Variants in ARHGAP32 observed in about 807,000 individuals in gnomAD.
The protein encoded by ARHGAP32 is Rho GTPase activating protein 32, also known as rho GTPase-activating protein 32.
A neutral mutation model predicts 186.5 loss-of-function variants in ARHGAP32; 51 were observed. The ratio of observed to expected loss-of-function variants is 0.27; its 90% CI spans 0.22 to 0.35. The LOEUF (loss-of-function observed/expected upper bound fraction) is 0.35. Ranked by LOEUF, ARHGAP32 falls within the 10% of genes least tolerant of loss-of-function variation. ARHGAP32 has a pLI of 1.00. For missense variants in ARHGAP32, 2,186 were observed against 2,623.5 expected, an observed-to-expected ratio of 0.83 and a Z score of 3.64; for synonymous variants, 950 against 964.3, an observed-to-expected ratio of 0.99 and a Z score of 0.27.
chr11:129,241,512 G>A lies in ARHGAP32; in HGVS notation c.-5+37634C>T, dbSNP rs571871466. 3.0e-4 allele frequency among the ~76,000 whole-genome samples: 45 copies of A among 152,016 alleles called. No individual in the cohort carries two copies. The South Asian group carries it at 9.4e-3, about 32-fold the overall frequency. ...TTTGTAAAAATTAGCCGGGTGTGTT[G>A]GCGCACATCTGTAGTCTCAGCTACT... On this transcript the variant is annotated intron_variant, in intron 1 of 6. Transcript: ENST00000525234.
chr11:129,244,398 A>T (rs1945059866), intron 1 of ARHGAP32, among the ~76,000 whole-genome samples: 1 of 152,226 alleles, frequency 6.6e-6, no homozygotes, highest in Admixed American at 6.5e-5. Context: ...ACATTCAGTC[A>T]AATAGTATGG....
At position 129,266,217 on chromosome 11, in the gene ARHGAP32, TTGAG is replaced by T. The variant is rs1232807421; in HGVS notation, c.-5+12925_-5+12928del. On this transcript the variant is annotated intron_variant, in intron 1 of 6. Coordinates refer to the ARHGAP32 transcript ENST00000525234. ...GGAGTTCTAGTTTCAACTGGCCTAC[TTGAG>T]TAAGAAAATGTCACTAGATAAGTGA... Among the ~76,000 whole-genome samples the T allele has an allele frequency of 3.9e-5, 6 of 152,274 alleles. No individual in the cohort carries two copies. The East Asian group carries it at 5.8e-4, about 15-fold the overall frequency.
At chr11:129,056,601 G>A (rs183300617) in intron 10 of ARHGAP32, among the ~76,000 whole-genome samples, 7 of 152,240 alleles carry the variant, frequency 4.6e-5, no homozygotes, top group Admixed American at 2.0e-4. Flanking sequence ...TGAGTTCACA[G>A]CAATATTAAG....
chr11:128,990,320 C>T (rs562965320), intron 12 of ARHGAP32, among the ~76,000 whole-genome samples: 1 of 152,126 alleles, frequency 6.6e-6, no homozygotes, highest in Non-Finnish European at 1.5e-5. Context: ...AACTATTACC[C>T]TTTTCTGACT....
chr11:129,023,228 T>C (rs982950373), intron 11 of ARHGAP32, among the ~76,000 whole-genome samples: 3 of 152,158 alleles, frequency 2.0e-5, no homozygotes, highest in Admixed American at 2.0e-4. Flanking sequence ...GAACACCACC[T>C]TAGTGGTAAA....
chr11:129,051,607 A>G (rs1433904012), intron 10 of ARHGAP32, among the ~76,000 whole-genome samples: 2 of 152,198 alleles, frequency 1.3e-5, no homozygotes, highest in Non-Finnish European at 2.9e-5. Context: ...CCAAAGCCAC[A>G]AAAGTTTTCT....
chr11:129,105,031 AC>A (rs1216515913), intron 5 of ARHGAP32, among the ~76,000 whole-genome samples: 10 of 152,192 alleles, frequency 6.6e-5, no homozygotes, highest in African/African-American at 2.4e-4. Context: ...TCTAGAGGCT[AC>A]CTGAAGAACT....
At chr11:129,003,844 A>C (rs576811404) in intron 11 of ARHGAP32, among the ~76,000 whole-genome samples, 9 of 149,930 alleles carry the variant, frequency 6.0e-5, no homozygotes, top group African/African-American at 2.2e-4. Context: ...TCTTTTGTTG[A>C]TCTTTGTTGT....
intron 1 of ARHGAP32, among the ~76,000 whole-genome samples, chr11:129,202,477 A>G (rs566850255): frequency 6.6e-6 from 1 of 152,322 alleles, no homozygotes; most frequent in Non-Finnish European, 1.5e-5. Context: ...AGAAGGCAAT[A>G]TTCTTATACT....
At chr11:129,037,755 C>T (rs1010053123) in intron 11 of ARHGAP32, among the ~76,000 whole-genome samples, 3 of 151,764 alleles carry the variant, frequency 2.0e-5, no homozygotes, top group Non-Finnish European at 1.5e-5. Flanking sequence ...TTCCCCACTG[C>T]AAAACTTACT....
At chr11:129,216,809 A>T (rs1944653835) in intron 1 of ARHGAP32, among the ~76,000 whole-genome samples, 1 of 151,846 alleles carries the variant, frequency 6.6e-6, no homozygotes, top group Non-Finnish European at 1.5e-5. Context: ...TTAATTGCCC[A>T]GTGATAGTGA....
At chr11:129,262,085 G>C (rs1484903984) in intron 1 of ARHGAP32, among the ~76,000 whole-genome samples, 1 of 151,956 alleles carries the variant, frequency 6.6e-6, no homozygotes, top group African/African-American at 2.4e-5. Flanking sequence ...AAATGTTCAC[G>C]AACAATATTT....
intron 1 of ARHGAP32, among the ~76,000 whole-genome samples, chr11:129,239,316 T>C (rs1240743439): frequency 6.6e-6 from 1 of 152,218 alleles, no homozygotes; most frequent in Non-Finnish European, 1.5e-5. Context: ...GAACATGCAG[T>C]AAGCATTCTG....
chr11:129,207,648 T>C (rs922460104), intron 1 of ARHGAP32, among the ~76,000 whole-genome samples: 2 of 152,166 alleles, frequency 1.3e-5, no homozygotes, highest in African/African-American at 2.4e-5. Flanking sequence ...CTTTGTCAGA[T>C]GGATAGGTTG....
chr11:129,122,741 C>T (rs1457840091), intron 5 of ARHGAP32, among the ~76,000 whole-genome samples: 2 of 152,016 alleles, frequency 1.3e-5, no homozygotes, highest in Non-Finnish European at 2.9e-5. Context: ...TCTGGAGAGA[C>T]AGTGGTTAGG....
intron 10 of ARHGAP32, among the ~76,000 whole-genome samples, chr11:129,047,072 G>A (rs1394667691): frequency 6.6e-6 from 1 of 150,600 alleles, no homozygotes; most frequent in African/African-American, 2.4e-5. Context: ...AGCTTGCAGT[G>A]AGCAGATATC....
intron 1 of ARHGAP32, among the ~76,000 whole-genome samples, chr11:129,260,533 A>G (rs975056484): frequency 2.0e-5 from 3 of 152,172 alleles, no homozygotes; most frequent in Non-Finnish European, 2.9e-5. Context: ...CAAATAGAAA[A>G]AAGTCTTAAA....
rs368318308 is a variant in ARHGAP32 at position 129,105,663 on chromosome 11, T to C, written c.445-11956A>G. On this transcript the variant is annotated intron_variant, in intron 5 of 22. Coordinates refer to ENST00000682385, the MANE Select transcript of ARHGAP32 (RefSeq NM_001378024.1). ...ATGAACAATGAAAAAAATCAAACTC[T>C]TAAGGATAGACGAAAACCCAGTTTC... Among the ~76,000 whole-genome samples, 485 of 152,220 alleles carry C rather than the reference T, an allele frequency of 3.2e-3. 2 individuals carry two copies. Among genetic ancestry groups the C allele is most frequent in the African/African-American group, 0.01 (436 of 41,554 alleles).
At chr11:129,122,053 A>G (rs1252639986) in intron 5 of ARHGAP32, among the ~76,000 whole-genome samples, 2 of 152,142 alleles carry the variant, frequency 1.3e-5, no homozygotes, top group Non-Finnish European at 2.9e-5. Context: ...CTACTTGCCC[A>G]AGGTCATAAA....
Sources: allele counts gnomAD v4.1 joint callset (sites outside exome capture counted in the v4.1 genomes callset), GRCh38; gene constraint gnomAD v4.1.1; transcripts MANE v1.5; gene names NCBI Gene and HGNC (gene_info 2026-07-23, HGNC 2026-07-21).